MIR2052HG: variants seen among roughly 807,000 people sequenced by gnomAD.
MIR2052HG encodes the protein MIR2052 host gene.
chr8:74,752,667 T>C (rs1312960564), intron 5 of MIR2052HG: 6 of 334,296 alleles, frequency 1.8e-5, no homozygotes, highest in Non-Finnish European at 2.3e-5. Context: ...TGAGTCTTGA[T>C]TGCAGATGCC....
At chr8:74,732,843 G>A (rs1809706584) in intron 4 of MIR2052HG, among the ~76,000 whole-genome samples, 1 of 152,086 alleles carries the variant, frequency 6.6e-6, no homozygotes. Flanking sequence ...CTGATGAATG[G>A]GCAGAAGAGG....
chr8:74,655,402 T>C (rs1808794465), intron 2 of MIR2052HG, among the ~76,000 whole-genome samples: 1 of 152,132 alleles, frequency 6.6e-6, no homozygotes, highest in Non-Finnish European at 1.5e-5. Context: ...AAAATGGTTT[T>C]GGGGACCTGG....
chr8:74,719,334 G>T (rs563414065), intron 4 of MIR2052HG, among the ~76,000 whole-genome samples: 1 of 152,090 alleles, frequency 6.6e-6, no homozygotes, highest in Non-Finnish European at 1.5e-5. Context: ...CAGCAAAAGG[G>T]AATAATGGAG....
At chr8:74,693,214 G>A (rs1312046607) in intron 2 of MIR2052HG, among the ~76,000 whole-genome samples, 2 of 152,210 alleles carry the variant, frequency 1.3e-5, no homozygotes, top group Non-Finnish European at 2.9e-5. Context: ...ATGATGTGAG[G>A]ATACAATTAG....
At chr8:74,664,865 T>C (rs1808905507) in intron 2 of MIR2052HG, among the ~76,000 whole-genome samples, 1 of 152,210 alleles carries the variant, frequency 6.6e-6, no homozygotes. Context: ...CTTCCTGGAC[T>C]TTGCATCTGT....
intron 2 of MIR2052HG, among the ~76,000 whole-genome samples, chr8:74,689,125 C>T (rs942456131): frequency 1.3e-5 from 2 of 152,080 alleles, no homozygotes; most frequent in African/African-American, 2.4e-5. Flanking sequence ...TACAACCATA[C>T]GTGGTTGTAT....
intron 2 of MIR2052HG, among the ~76,000 whole-genome samples, chr8:74,615,931 G>A (rs1808275765): frequency 1.3e-5 from 2 of 152,102 alleles, no homozygotes; most frequent in South Asian, 4.1e-4. Context: ...TCCCTACAAA[G>A]GACATGAACT....
In MIR2052HG at chr8:74,694,860, G is replaced by T. The variant is rs1192419805; in HGVS notation, n.217-7519G>T. Among the ~76,000 whole-genome samples, 4 of 152,068 alleles carry T rather than the reference G, an allele frequency of 2.6e-5. 1 individual carries two copies. Among genetic ancestry groups the T allele is most frequent in the African/African-American group, 4.8e-5 (2 of 41,402 alleles). ...TAAATGACCAAACCTAAGAATGATT[G>T]GTGTTCCTGAGGAAGAAGAGAAATG... On this transcript the variant is annotated intron_variant and non_coding_transcript_variant, in intron 2 of 6. Transcript: ENST00000523442.
chr8:74,677,981 A>G (rs1809073020), intron 2 of MIR2052HG, among the ~76,000 whole-genome samples: 1 of 152,192 alleles, frequency 6.6e-6, no homozygotes, highest in Non-Finnish European at 1.5e-5. Flanking sequence ...GGAAATTGAA[A>G]AGATAGATTT....
At chr8:74,717,682 A>T (rs772502124) in intron 4 of MIR2052HG, among the ~76,000 whole-genome samples, 9 of 151,874 alleles carry the variant, frequency 5.9e-5, no homozygotes, top group Non-Finnish European at 1.2e-4. Context: ...ATAGTAAGGC[A>T]TCGTGGTGTC....
At chr8:74,603,232 T>C (rs537619100) in intron 1 of MIR2052HG, 1 of 1,274,830 alleles carries the variant, frequency 7.8e-7, no homozygotes, top group South Asian at 1.2e-5. Context: ...ACTACACAGA[T>C]GGATCATGGG....
intron 4 of MIR2052HG, among the ~76,000 whole-genome samples, chr8:74,722,210 A>T (rs1809585042): frequency 6.6e-6 from 1 of 152,192 alleles, no homozygotes; most frequent in South Asian, 2.1e-4. Flanking sequence ...TCAAGGCTCT[A>T]TGTTTATGAA....
At chr8:74,603,358 C>T in intron 1 of MIR2052HG, 1 of 1,611,196 alleles carries the variant, frequency 6.2e-7, no homozygotes, top group Non-Finnish European at 8.5e-7. Flanking sequence ...CAGGCTAATG[C>T]TGGCAGCAGA....
chr8:74,752,660 G>T (rs1050222799), intron 5 of MIR2052HG: 1 of 337,140 alleles, frequency 3.0e-6, no homozygotes, highest in Admixed American at 4.2e-5. Flanking sequence ...AAAGATGTGA[G>T]TCTTGATTGC....
chr8:74,603,641 C>T, intron 1 of MIR2052HG: 1 of 1,288,254 alleles, frequency 7.8e-7, no homozygotes, highest in Non-Finnish European at 1.1e-6. Context: ...TGTGGAATGG[C>T]AAACTGTCCT....
chr8:74,722,316 T>C (rs1027428721), intron 4 of MIR2052HG, among the ~76,000 whole-genome samples: 1 of 152,248 alleles, frequency 6.6e-6, no homozygotes, highest in Non-Finnish European at 1.5e-5. Flanking sequence ...TATTTCTACA[T>C]TTTCAGAAAT....
At chr8:74,650,395 A>G (rs2128736065) in intron 2 of MIR2052HG, among the ~76,000 whole-genome samples, 1 of 152,334 alleles carries the variant, frequency 6.6e-6, no homozygotes, top group African/African-American at 2.4e-5. Context: ...GGGAGATAGT[A>G]TTCCAATAGT....
chr8:74,716,813 G>C (rs1015696337), intron 4 of MIR2052HG, among the ~76,000 whole-genome samples: 4 of 152,116 alleles, frequency 2.6e-5, no homozygotes, highest in Non-Finnish European at 5.9e-5. Flanking sequence ...GTGCATGCAT[G>C]CCTTATCTTG....
At chr8:74,602,877 T>TTTCTTTTCTTTCTTTCTTTC (rs1808041801) in intron 1 of MIR2052HG, among the ~76,000 whole-genome samples, 1 of 53,780 alleles carries the variant, frequency 1.9e-5, no homozygotes, top group Non-Finnish European at 3.4e-5. Flanking sequence ...TTCTTTCTTT[T>TTTCTTTTCTTTCTTTCTTTC]TTCTATTCAC....
Sources: gnomAD v4.1 joint callset for allele counts (sites outside exome capture counted in the v4.1 genomes callset) on GRCh38, gnomAD v4.1.1 for gene constraint, MANE v1.5 for transcripts, NCBI Gene and HGNC (gene_info 2026-07-23, HGNC 2026-07-21) for gene names.